VDR: variants seen among roughly 807,000 people sequenced by gnomAD.
VDR encodes vitamin D receptor.
A neutral mutation model predicts 39.7 loss-of-function variants in VDR; 19 were observed. That is an observed-to-expected ratio of 0.48 (90% CI 0.33 to 0.70). The LOEUF is 0.70. Among genes scored for constraint, VDR ranks in the 30% least tolerant of loss-of-function variants. The pLI is 0.02. For synonymous variants in VDR, 242 were observed against 215.8 expected, an observed-to-expected ratio of 1.12 and a Z score of -1.07; for missense variants, 442 against 570.5, an observed-to-expected ratio of 0.77 and a Z score of 2.29.
intron 2 of VDR, among the ~76,000 whole-genome samples, chr12:47,881,561 A>G (rs150344218): frequency 6.6e-6 from 1 of 152,288 alleles, no homozygotes; most frequent in Admixed American, 6.5e-5. Flanking sequence ...AGGGGTGTGC[A>G]TTATATAGTA....
chr12:47,878,087 C>T (rs1946044207), intron 3 of VDR, among the ~76,000 whole-genome samples: 1 of 152,202 alleles, frequency 6.6e-6, no homozygotes, highest in South Asian at 2.1e-4. Flanking sequence ...CCAAGCCGAC[C>T]TCAGCATCCT....
intron 1 of VDR, chr12:47,904,712 C>T: frequency 7.0e-7 from 1 of 1,423,616 alleles, no homozygotes; most frequent in Non-Finnish European, 9.5e-7. Flanking sequence ...AGCATTTCTC[C>T]TAAGCGCCGA....
chr12:47,845,158 C>T (rs1381594983), intron 9 of VDR, among the ~76,000 whole-genome samples, 153 bp from the exon 10 acceptor site: 1 of 151,872 alleles, frequency 6.6e-6, no homozygotes, highest in East Asian at 2.0e-4. Context: ...CACTGCCTGG[C>T]CCCAAAGCCC....
At chr12:47,889,000 T>C (rs1262851471) in intron 1 of VDR, among the ~76,000 whole-genome samples, 2 of 152,174 alleles carry the variant, frequency 1.3e-5, no homozygotes, top group East Asian at 1.9e-4. Context: ...TGTACCCATA[T>C]TGAAATATCA....
At chr12:47,865,709 C>T (rs540233762) in intron 3 of VDR, among the ~76,000 whole-genome samples, 19 of 137,038 alleles carry the variant, frequency 1.4e-4, no homozygotes, top group African/African-American at 4.0e-4. Flanking sequence ...CACTGCACTC[C>T]GACTCTTTTT....
intron 1 of VDR, among the ~76,000 whole-genome samples, chr12:47,893,726 C>G (rs531960963): frequency 6.6e-6 from 1 of 152,356 alleles, no homozygotes; most frequent in South Asian, 2.1e-4. Context: ...AACAAGGTCA[C>G]TTGCTCATTG....
chr12:47,893,676 A>G (rs2137238956), intron 1 of VDR, among the ~76,000 whole-genome samples: 1 of 152,222 alleles, frequency 6.6e-6, no homozygotes, highest in Admixed American at 6.5e-5. Flanking sequence ...ACCTGCCTCC[A>G]CCAGTCCACT....
intron 9 of VDR, among the ~76,000 whole-genome samples, chr12:47,846,114 A>G (rs1247360175): frequency 6.6e-6 from 1 of 152,142 alleles, no homozygotes; most frequent in Non-Finnish European, 1.5e-5. Context: ...CCCCCTACGA[A>G]TCGCCTGCAC....
intron 7 of VDR, among the ~76,000 whole-genome samples, chr12:47,848,601 C>G (rs1419652806): frequency 8.8e-6 from 1 of 114,230 alleles, no homozygotes; most frequent in African/African-American, 3.5e-5. Context: ...GAGTCTTGCT[C>G]TGTTGCCCAG....
In VDR at chr12:47,870,825, G is replaced by T. The variant is rs138002169; in HGVS notation, c.147-5648C>A. On this transcript the variant is annotated intron_variant, in intron 3 of 9. Transcript: ENST00000549336. ...TCCTGATCTGAAAGCTATGTGAGGT[G>T]CTGGGAATGCTTACTAGTTTGATTA... is the stretch of plus-strand genomic sequence containing the variant. 1.8e-4 allele frequency among the ~76,000 whole-genome samples: 27 copies of T among 152,338 alleles called. No homozygotes were observed. The East Asian group carries it at 5.0e-3, about 28-fold the overall frequency.
intron 7 of VDR, among the ~76,000 whole-genome samples, chr12:47,851,817 C>A (rs1565610011): frequency 6.6e-6 from 1 of 152,230 alleles, no homozygotes; most frequent in African/African-American, 2.4e-5. Context: ...ATACTGAAGA[C>A]AGAGAAGCCA....
At chr12:47,846,888 GTA>G in intron 7 of VDR, 80 bp from the exon 8 acceptor site, 1 of 1,544,768 alleles carries the variant, frequency 6.5e-7, no homozygotes, top group South Asian at 1.1e-5. Context: ...GCTTTGACAG[GTA>G]TACACCTGCT....
chr12:47,864,170 T>C (rs755649448), intron 4 of VDR, among the ~76,000 whole-genome samples: 2 of 152,082 alleles, frequency 1.3e-5, no homozygotes, highest in Non-Finnish European at 2.9e-5. Flanking sequence ...AAGGAATGAG[T>C]GTACAGAGAG....
In VDR at chr12:47,865,083, G is replaced by A; in HGVS notation, c.241C>T (p.Leu81Phe). ...ATGCCGATGTCCACACAGCGTTTGA[G>A]CCGGCAGGCCTGGCAGTGGCGTCGG... is the stretch of plus-strand genomic sequence containing the variant. ...DNRRHCQACRLKRCVDIGMMK... is the reference protein window; with the variant it reads ...DNRRHCQACRFKRCVDIGMMK... Residue 81 changes from leucine to phenylalanine, a missense_variant, in exon 4 of 10, where the codon CTC (leucine) becomes TTC (phenylalanine). Coordinates refer to ENST00000549336, the MANE Select transcript of VDR (RefSeq NM_000376.3). The A allele has an allele frequency of 6.2e-7, 1 of 1,613,994 alleles. No homozygotes were observed. The highest frequency in any genetic ancestry group is 8.5e-7 in the Non-Finnish European group (1 of 1,179,828).
chr12:47,846,357 C>A lies in VDR; in HGVS notation c.1002G>T (p.Met334Ile). 1 of 1,606,304 alleles carries A rather than the reference C, an allele frequency of 6.2e-7. No individual in the cohort carries two copies. Among genetic ancestry groups the A allele is most frequent in the Non-Finnish European group, 8.5e-7 (1 of 1,177,066 alleles). ...TACCTGGGGAGACGATGCAGATGGC[C>A]ATGAGCAGGACATGCTCCTCCTCAT... ...NLHEEEHVLL[M>I]AICIVSPDRP... Residue 334 changes from methionine (M) to isoleucine (I), a missense_variant, in exon 9 of 10, where the codon ATG becomes ATT. Physicochemically the swap from Met to Ile is conservative, Grantham distance 10. Around this residue, in one of 5 missense-constraint regions of VDR, gnomAD observed 173 missense variants for 252.0 expected, o/e 0.69. Transcript: ENST00000549336.
rs10160907 is a variant in VDR, at chr12:47,879,424, T to C, written c.-2-309A>G. On this transcript the variant is annotated intron_variant, in intron 2 of 9. Coordinates refer to ENST00000549336, the MANE Select transcript of VDR (RefSeq NM_000376.3). Reference sequence around the variant, plus strand: ...CCTCTGCATGCCCCCGCTGTCTGCATTGGAAGAGGTGTTTTACTTCCAGGG... The same window carrying C: ...CCTCTGCATGCCCCCGCTGTCTGCACTGGAAGAGGTGTTTTACTTCCAGGG... Among the ~76,000 whole-genome samples the C allele has an allele frequency of 0.019, 2,849 of 152,300 alleles. 72 individuals carry two copies. Among genetic ancestry groups the C allele is most frequent in the African/African-American group, 0.064 (2,678 of 41,550 alleles).
chr12:47,891,428 G>A (rs537078023), intron 1 of VDR, among the ~76,000 whole-genome samples: 1 of 152,258 alleles, frequency 6.6e-6, no homozygotes, highest in East Asian at 1.9e-4. Flanking sequence ...AGAACTTCAG[G>A]CCCGAGAGAG....
At chr12:47,904,176 C>T (rs1946622844) in intron 1 of VDR, among the ~76,000 whole-genome samples, 2 of 151,666 alleles carry the variant, frequency 1.3e-5, no homozygotes, top group African/African-American at 4.8e-5. Context: ...CTAAGGCTCC[C>T]CCAGCCCAGG....
At chr12:47,900,465 G>A (rs1043548895) in intron 1 of VDR, among the ~76,000 whole-genome samples, 6 of 152,174 alleles carry the variant, frequency 3.9e-5, no homozygotes, top group African/African-American at 1.4e-4. Context: ...AGAGGGAGTC[G>A]TGGGTTTCCT....
Sources: gnomAD v4.1 joint callset for allele counts (sites outside exome capture counted in the v4.1 genomes callset) on GRCh38, gnomAD v4.1.1 for gene constraint, gnomAD v4.1.1 regional missense constraint, MANE v1.5 for transcripts, NCBI Gene and HGNC (gene_info 2026-07-23, HGNC 2026-07-21) for gene names.